The following CNTNAP4 variants were observed in gnomAD, a reference collection of about 807,000 sequenced individuals.
CNTNAP4 encodes contactin-associated protein-like 4.
Under a neutral mutation model 148.4 loss-of-function variants are expected in CNTNAP4, and 98 were observed. The observed-to-expected ratio is 0.66, with a 90% confidence interval of 0.56 to 0.78. CNTNAP4 has a LOEUF of 0.78. CNTNAP4 is among the 30% of genes least tolerant of loss of function. The pLI, the probability that CNTNAP4 is intolerant of heterozygous loss-of-function variation, is 0.00. For synonymous variants in CNTNAP4, 730 were observed against 565.1 expected (o/e 1.29, Z -4.14); for missense variants, 1,935 against 1,565.6 (o/e 1.24, Z -3.98).
chr16:76,307,283 T>G (rs2143992975), intron 1 of CNTNAP4, among the ~76,000 whole-genome samples: 1 of 151,896 alleles, frequency 6.6e-6, no homozygotes, highest in Middle Eastern at 3.4e-3. Flanking sequence ...ATGGAAAACA[T>G]TGTTTGACTG....
At chr16:76,538,668 G>C (rs2084323034) in intron 19 of CNTNAP4, among the ~76,000 whole-genome samples, 1 of 151,704 alleles carries the variant, frequency 6.6e-6, no homozygotes, top group South Asian at 2.1e-4. Flanking sequence ...AGTTCATTTT[G>C]AAATAAGGTG....
chr16:76,446,177 A>C (rs1439115656), intron 4 of CNTNAP4, among the ~76,000 whole-genome samples: 1 of 152,212 alleles, frequency 6.6e-6, no homozygotes, highest in African/African-American at 2.4e-5. Context: ...CATTTCACAT[A>C]AAATATGATG....
At chr16:76,299,816 TAAAAAATGATAAGTTCATGTCCTTTGTAG>T (rs2143918097) in intron 1 of CNTNAP4, among the ~76,000 whole-genome samples, 1 of 152,172 alleles carries the variant, frequency 6.6e-6, no homozygotes, top group East Asian at 1.9e-4. Context: ...TATGCAGCCA[TAAAAAATGATAAGTTCATGTCCTTTGTAG>T]GGACATGGAT....
chr16:76,391,673 C>T (rs915471035), intron 3 of CNTNAP4, among the ~76,000 whole-genome samples: 8 of 152,196 alleles, frequency 5.3e-5, no homozygotes, highest in Non-Finnish European at 8.8e-5. Context: ...GGTCCAGGAA[C>T]AGTGTTGTAA....
chr16:76,355,942 T>C (rs2012568220), intron 3 of CNTNAP4, among the ~76,000 whole-genome samples: 1 of 151,950 alleles, frequency 6.6e-6, no homozygotes, highest in Non-Finnish European at 1.5e-5. Context: ...TGGCGCGATC[T>C]TGGCTCACTG....
chr16:76,345,410 T>C (rs962181743), intron 2 of CNTNAP4, among the ~76,000 whole-genome samples: 2 of 152,112 alleles, frequency 1.3e-5, no homozygotes, highest in African/African-American at 2.4e-5. Flanking sequence ...CAAAGAAAAA[T>C]TGCACTGAAT....
chr16:76,366,184 T>A (rs1474302837), intron 3 of CNTNAP4, among the ~76,000 whole-genome samples: 9 of 152,230 alleles, frequency 5.9e-5, no homozygotes, highest in African/African-American at 2.2e-4. Flanking sequence ...CATGTGCAGG[T>A]TTGTTGTATA....
intron 14 of CNTNAP4, among the ~76,000 whole-genome samples, chr16:76,497,993 A>G (rs2082462528): frequency 6.6e-6 from 1 of 152,232 alleles, no homozygotes; most frequent in African/African-American, 2.4e-5. Context: ...AAAAAGGTAG[A>G]AAATTGTCCA....
At chr16:76,381,467 G>A (rs942708837) in intron 3 of CNTNAP4, among the ~76,000 whole-genome samples, 1 of 152,154 alleles carries the variant, frequency 6.6e-6, no homozygotes, top group Non-Finnish European at 1.5e-5. Flanking sequence ...AGGAATACCT[G>A]AGGAGTTAAG....
rs962651295 is a variant in CNTNAP4 at position 76,523,236 on chromosome 16, C to T, written c.2755+979C>T. Among the ~76,000 whole-genome samples, 23 of 124,100 alleles carry T rather than the reference C, an allele frequency of 1.9e-4. 1 individual carries two copies. The highest frequency in any genetic ancestry group is 2.3e-4 in the Non-Finnish European group (14 of 60,790). 81.4% of individuals were successfully genotyped at this position (124,100 alleles called of 152,430 possible). On this transcript the variant is annotated intron_variant, in intron 17 of 23. Transcript: ENST00000611870. The stretch of plus-strand genomic sequence containing the variant: ...CGATGCCAAACATTGAACACTCCCC[C>T]GGCCCCCCCGCCCCACCAACCATCA...
chr16:76,350,959 G>A (rs1296128923), intron 2 of CNTNAP4, among the ~76,000 whole-genome samples: 3 of 152,110 alleles, frequency 2.0e-5, no homozygotes. Context: ...CTGCAGTATG[G>A]GGACAAATAG....
intron 10 of CNTNAP4, among the ~76,000 whole-genome samples, chr16:76,472,873 G>A (rs562260542): frequency 3.3e-5 from 5 of 152,182 alleles, no homozygotes; most frequent in African/African-American, 1.2e-4. Context: ...ATACCTGGGT[G>A]ATGAAACAAT....
At chr16:76,364,761 A>G (rs1213970695) in intron 3 of CNTNAP4, among the ~76,000 whole-genome samples, 1 of 152,140 alleles carries the variant, frequency 6.6e-6, no homozygotes, top group Non-Finnish European at 1.5e-5. Context: ...TAATTTATAT[A>G]CTTTATTAAG....
At chr16:76,472,341 C>G (rs1441322799) in intron 10 of CNTNAP4, among the ~76,000 whole-genome samples, 5 of 151,974 alleles carry the variant, frequency 3.3e-5, no homozygotes, top group Non-Finnish European at 7.4e-5. Flanking sequence ...AAAATCTAGT[C>G]TAACAAGAAT....
intron 2 of CNTNAP4, among the ~76,000 whole-genome samples, chr16:76,324,272 C>G (rs929443540): frequency 3.9e-5 from 6 of 152,136 alleles, no homozygotes; most frequent in Non-Finnish European, 8.8e-5. Flanking sequence ...AAAATATATT[C>G]ACAAAATTAA....
At chr16:76,426,438 G>A (rs747343112) in intron 3 of CNTNAP4, among the ~76,000 whole-genome samples, 12 of 152,132 alleles carry the variant, frequency 7.9e-5, no homozygotes, top group Non-Finnish European at 1.3e-4. Flanking sequence ...ATGAAAGAAA[G>A]AGGTGGAGGA....
At chr16:76,449,651 C>T (rs1051370381) in intron 6 of CNTNAP4, 64 bp from the exon 7 acceptor site, 1 of 1,352,050 alleles carries the variant, frequency 7.4e-7, no homozygotes. Flanking sequence ...ACTTGCTAAT[C>T]ATAATTAAGC....
intron 11 of CNTNAP4, among the ~76,000 whole-genome samples, chr16:76,478,145 CA>C (rs11312908): frequency 0.54 from 82,403 of 151,864 alleles, 22,353 homozygotes; most frequent in Admixed American, 0.61. Context: ...AATCAACAGT[CA>C]TGTTATAAAA....
chr16:76,459,524 C>T (rs1382121276), intron 8 of CNTNAP4, among the ~76,000 whole-genome samples: 4 of 152,120 alleles, frequency 2.6e-5, no homozygotes, highest in South Asian at 4.1e-4. Flanking sequence ...CATATATGTC[C>T]AGGGCAAAGA....
Sources: allele counts gnomAD v4.1 joint callset (sites outside exome capture counted in the v4.1 genomes callset), GRCh38; gene constraint gnomAD v4.1.1; transcripts MANE v1.5; gene names NCBI Gene and HGNC (gene_info 2026-07-23, HGNC 2026-07-21).